Variants in CPXCR1 observed in about 807,000 individuals in gnomAD.
CPXCR1 encodes CPX chromosomal region candidate gene 1 protein.
Under a neutral mutation model 13.8 loss-of-function variants are expected in CPXCR1, and 15 were observed. The ratio of observed to expected loss-of-function variants is 1.09; its 90% CI spans 0.73 to 1.67. The LOEUF (loss-of-function observed/expected upper bound fraction) is 1.67. Ranked by LOEUF, CPXCR1 falls within the 40% of genes most tolerant of loss-of-function variation. The probability of loss-of-function intolerance (pLI) is 0.00; values close to 1 mark genes in which losing one functional copy is unlikely to be tolerated. For missense variants in CPXCR1, 247 were observed against 223.6 expected (o/e 1.10, Z -0.67); for synonymous variants, 70 against 76.7 (o/e 0.91, Z 0.46).
At chrX:88,753,361 A>T in intron 2 of CPXCR1, 46 bp from the exon 3 acceptor site, 3 of 778,262 alleles carry the variant, frequency 3.9e-6, no homozygotes, top group Non-Finnish European at 5.3e-6. Flanking sequence ...TATAAAATGG[A>T]ACATACATAA....
intron 2 of CPXCR1, among the ~76,000 whole-genome samples, chrX:88,750,777 C>T (rs1454828941): frequency 3.6e-5 from 4 of 111,357 alleles, no homozygotes; most frequent in Non-Finnish European, 7.5e-5. Context: ...TTCACGGATT[C>T]GACTTCTTCC....
rs777659942 is a variant in CPXCR1, at chrX:88,752,095, C to G, written c.-8-1312C>G. The stretch of plus-strand genomic sequence containing the variant: ...CACCATGGAATTCAGTAAGAATGTT[C>G]CCTGCCCATAATCCTGCTCTGAAGA... On this transcript the variant is annotated intron_variant, in intron 2 of 2. Transcript: ENST00000276127. Among the ~76,000 whole-genome samples the G allele has an allele frequency of 2.7e-5, 3 of 112,219 alleles. No homozygotes were observed. In the East Asian group the frequency reaches 8.4e-4, roughly 31 times the overall value.
rs757540179 is a variant in CPXCR1 at position 88,754,125 on chromosome X, C to G, written c.711C>G (p.Leu237=). The G allele has an allele frequency of 2.3e-5, 28 of 1,198,976 alleles. No individual in the cohort carries two copies. The highest frequency in any genetic ancestry group is 3.0e-5 in the Non-Finnish European group (27 of 886,752). ...TCCGTGCTATTGTGAGGTCTGTGCT[C>G]TTTGTGTCACAGATACAAATTGAAA... is the stretch of plus-strand genomic sequence containing the variant. ...CRFRAIVRSV[L]FVSQIQIESI... is the part of the protein sequence containing the mutation. The change falls in exon 3 of 3, where the codon CTC becomes CTG. Residue 237 remains leucine, a synonymous_variant. Coordinates refer to ENST00000276127, the MANE Select transcript of CPXCR1 (RefSeq NM_033048.6).
intron 2 of CPXCR1, among the ~76,000 whole-genome samples, 178 bp downstream of exon 2, chrX:88,749,601 G>T (rs2147631081): frequency 9.0e-6 from 1 of 110,677 alleles, no homozygotes; most frequent in South Asian, 3.9e-4. Flanking sequence ...CCTGTGAAAT[G>T]ATCAGAGTGT....
At chrX:88,748,744 T>C (rs1473923495) in intron 1 of CPXCR1, among the ~76,000 whole-genome samples, 2 of 110,085 alleles carry the variant, frequency 1.8e-5, no homozygotes, top group Non-Finnish European at 3.8e-5. Flanking sequence ...GTGACATAAA[T>C]ATATGTGATA....
intron 1 of CPXCR1, among the ~76,000 whole-genome samples, chrX:88,747,787 A>G (rs1924812467): frequency 8.9e-6 from 1 of 111,884 alleles, no homozygotes; most frequent in Non-Finnish European, 1.9e-5. Context: ...TGGGACATTT[A>G]CATAAAGAAG....
rs768167881 is a variant in CPXCR1, at chrX:88,753,556, C to T, written c.142C>T (p.Pro48Ser). 1.7e-6 allele frequency: 2 copies of T among 1,206,781 alleles called. No individual in the cohort carries two copies. The highest frequency in any genetic ancestry group is 1.8e-5 in the African/African-American group (1 of 56,674). ...TATGATCTATCAGGTAGAAACCAACCCAATAAACAGGGAGCCAGGCACAGC... is the reference window on the plus strand; with the variant it reads ...TATGATCTATCAGGTAGAAACCAACTCAATAAACAGGGAGCCAGGCACAGC... Reference protein sequence around the residue: ...PNMIYQVETNPINREPGTATS... With the variant: ...PNMIYQVETNSINREPGTATS... Residue 48 changes from proline to serine, a missense_variant, in exon 3 of 3, where the codon CCA (proline) becomes TCA (serine). Transcript: ENST00000276127.
At chrX:88,752,203 GTGTT>G (rs1404626730) in intron 2 of CPXCR1, among the ~76,000 whole-genome samples, 2 of 111,628 alleles carry the variant, frequency 1.8e-5, no homozygotes, top group Non-Finnish European at 3.8e-5. Context: ...TACACTGAAA[GTGTT>G]TGAGCGGGTA....
chrX:88,753,648 A>G lies in CPXCR1; in HGVS notation c.234A>G (p.Lys78=), dbSNP rs774924990. The G allele has an allele frequency of 4.1e-6, 5 of 1,205,388 alleles. No homozygotes were observed. The highest frequency in any genetic ancestry group is 4.5e-6 in the Non-Finnish European group (4 of 893,610). The change falls in exon 3 of 3, where the codon AAA becomes AAG. Residue 78 remains lysine, a synonymous_variant. Coordinates refer to ENST00000276127, the MANE Select transcript of CPXCR1 (RefSeq NM_033048.6). ...ENSELETEIQ[K]DQREEDLKEE... ...GCGAGCTCGAAACAGAGATCCAAAA[A>G]GATCAACGAGAAGAAGATCTAAAAG...
Position 88,754,087 on chromosome X carries a change from G to A in CPXCR1, c.673G>A (p.Gly225Arg). The A allele has an allele frequency of 8.3e-7, 1 of 1,208,616 alleles. No homozygotes were observed. The highest frequency in any genetic ancestry group is 3.0e-5 in the East Asian group (1 of 33,798). ...ATTTTGCAAATCAACTGACACTAAA[G>A]GGAAATGTAGATTCCGTGCTATTGT... ...GKFCKSTDTK[G>R]KCRFRAIVRS... is the part of the protein sequence containing the mutation. Residue 225 changes from glycine to arginine, a missense_variant, in exon 3 of 3, where the codon GGG (glycine) becomes AGG (arginine). Coordinates refer to ENST00000276127, the MANE Select transcript of CPXCR1 (RefSeq NM_033048.6).
rs775017056 is a variant in CPXCR1, at chrX:88,753,752, A to G, written c.338A>G (p.His113Arg). The G allele has an allele frequency of 8.3e-7, 1 of 1,209,669 alleles. No homozygotes were observed. The highest frequency in any genetic ancestry group is 1.8e-5 in the South Asian group (1 of 56,811). ...CCCTTAAATGATAGATCAAGATCCC[A>G]CTCAGGGAAAGTTGAGATGAAAGCA... ...HKPLNDRSRS[H>R]SGKVEMKANN... is the part of the protein sequence containing the mutation. Residue 113 changes from histidine to arginine, a missense_variant, in exon 3 of 3, where the codon CAC becomes CGC. Transcript: ENST00000276127.
In CPXCR1 at chrX:88,754,401, A is replaced by G. The variant is rs1925020483; in HGVS notation, c.*81A>G. 3.1e-6 allele frequency: 2 copies of G among 648,235 alleles called. No individual in the cohort carries two copies. The highest frequency in any genetic ancestry group is 2.3e-5 in the African/African-American group (1 of 44,126). The allele number at this position is 648,235 out of a possible 1,213,427, so 53.4% of individuals were successfully genotyped here. A position where few individuals can be genotyped will look rare whatever the true frequency, so the allele number is the denominator to read the frequency against. On this transcript the variant is annotated 3_prime_UTR_variant, in exon 3 of 3. Coordinates refer to ENST00000276127, the MANE Select transcript of CPXCR1 (RefSeq NM_033048.6). The stretch of plus-strand genomic sequence containing the variant: ...TACTAAAGTAAGACAAAATTGCATG[A>G]ACATAAATTTTAGTATTATTAGAGG...
At chrX:88,750,161 G>A (rs902802718) in intron 2 of CPXCR1, among the ~76,000 whole-genome samples, 4 of 111,166 alleles carry the variant, frequency 3.6e-5, no homozygotes, top group Non-Finnish European at 7.5e-5. Flanking sequence ...AGTTTTCAAA[G>A]GGAATGCTTT....
Position 88,747,290 on chromosome X carries a change from A to C in CPXCR1, c.-194A>C, listed in dbSNP as rs1301579549. On this transcript the variant is annotated 5_prime_UTR_variant, in exon 1 of 3. Transcript: ENST00000276127. The stretch of plus-strand genomic sequence containing the variant: ...AAGAAGGCAGGACCCCGTGAAGCAC[A>C]CCTTTCCTAAGGATTTTGACGAATG... 1 of 112,173 alleles carries C rather than the reference A, an allele frequency of 8.9e-6. No homozygotes were observed. Among genetic ancestry groups the C allele is most frequent in the African/African-American group, 3.2e-5 (1 of 30,861 alleles). The allele number at this position is 112,173 out of a possible 1,213,427, so 9.2% of individuals were successfully genotyped here. A position where few individuals can be genotyped will look rare whatever the true frequency, so the allele number is the denominator to read the frequency against.
chrX:88,748,520 TTCCAAACATATG>T (rs1232522230), intron 1 of CPXCR1, among the ~76,000 whole-genome samples: 1 of 110,553 alleles, frequency 9.0e-6, no homozygotes, highest in Non-Finnish European at 1.9e-5. Flanking sequence ...TGTTGACTAT[TTCCAAACATATG>T]TCCAAACATT....
intron 2 of CPXCR1, among the ~76,000 whole-genome samples, chrX:88,752,343 AC>A (rs1385698281): frequency 9.0e-6 from 1 of 111,050 alleles, no homozygotes; most frequent in Non-Finnish European, 1.9e-5. Context: ...TTTCAGCTTG[AC>A]TAGTGCTGAG....
At chrX:88,751,690 T>C (rs899115260) in intron 2 of CPXCR1, among the ~76,000 whole-genome samples, 2 of 110,984 alleles carry the variant, frequency 1.8e-5, no homozygotes, top group African/African-American at 6.6e-5. Flanking sequence ...TAACGTTTGA[T>C]AGAAAAATAG....
intron 2 of CPXCR1, among the ~76,000 whole-genome samples, chrX:88,752,023 A>G (rs1189360316): frequency 1.8e-5 from 2 of 111,862 alleles, no homozygotes; most frequent in African/African-American, 6.5e-5. Flanking sequence ...CTCAAACTCC[A>G]CCACTCCACC....
At chrX:88,748,182 G>A (rs1289567590) in intron 1 of CPXCR1, among the ~76,000 whole-genome samples, 1 of 110,634 alleles carries the variant, frequency 9.0e-6, no homozygotes, top group Non-Finnish European at 1.9e-5. Context: ...AAGCTATCAG[G>A]CATATACATC....
Sources: gnomAD v4.1 joint callset for allele counts (sites outside exome capture counted in the v4.1 genomes callset) on GRCh38, gnomAD v4.1.1 for gene constraint, MANE v1.5 for transcripts, NCBI Gene and HGNC (gene_info 2026-07-23, HGNC 2026-07-21) for gene names.